The following NCALD variants were observed in gnomAD, a reference collection of about 807,000 sequenced individuals.
The protein encoded by NCALD is neurocalcin delta, also known as neurocalcin-delta.
Under a neutral mutation model 18.6 loss-of-function variants are expected in NCALD, and 10 were observed. The observed-to-expected ratio is 0.54, with a 90% CI of 0.33 to 0.91. The LOEUF (loss-of-function observed/expected upper bound fraction) is 0.91, where lower values mean the gene tolerates loss of function less well. Ranked by LOEUF, NCALD falls within the 40% of genes least tolerant of loss-of-function variation. The probability of loss-of-function intolerance (pLI) is 0.03; values close to 1 mark genes in which losing one functional copy is unlikely to be tolerated. For missense variants in NCALD, 184 were observed against 247.6 expected, an observed-to-expected ratio of 0.74 and a Z score of 1.72; for synonymous variants, 88 against 87.4, an observed-to-expected ratio of 1.01 and a Z score of -0.04.
intron 1 of NCALD, among the ~76,000 whole-genome samples, chr8:101,767,276 C>T (rs1443010092): frequency 1.3e-5 from 2 of 152,160 alleles, no homozygotes; most frequent in Admixed American, 1.3e-4. Flanking sequence ...TTTAGGCAGT[C>T]AGCACTTAAA....
At chr8:101,852,347 A>T (rs1815132231) in intron 4 of NCALD, among the ~76,000 whole-genome samples, 1 of 152,134 alleles carries the variant, frequency 6.6e-6, no homozygotes, top group Non-Finnish European at 1.5e-5. Context: ...GGCCTCTGTG[A>T]AGCCCTTGGT....
At position 101,687,927 on chromosome 8, in the gene NCALD, A is replaced by G. The variant is rs1814537553; in HGVS notation, c.*1382T>C. Reference sequence around the variant, plus strand: ...GCACGGCAATGGAAAATACTTTTGGATTCTCCATAGGGGGGCCTTGGAAAC... The same window carrying G: ...GCACGGCAATGGAAAATACTTTTGGGTTCTCCATAGGGGGGCCTTGGAAAC... On this transcript the variant is annotated 3_prime_UTR_variant, in exon 4 of 4. Coordinates refer to ENST00000220931, the MANE Select transcript of NCALD (RefSeq NM_032041.3). 1 of 152,206 alleles carries G rather than the reference A, an allele frequency of 6.6e-6. No individual in the cohort carries two copies. The highest frequency in any genetic ancestry group is 2.1e-4 in the South Asian group (1 of 4,832). The allele number at this position is 152,206 out of a possible 1,614,324, so 9.4% of individuals were successfully genotyped here.
At chr8:102,084,059 G>A (rs1824648424) in intron 1 of NCALD, among the ~76,000 whole-genome samples, 1 of 152,228 alleles carries the variant, frequency 6.6e-6, no homozygotes, top group African/African-American at 2.4e-5. Context: ...CAGTGCAGGT[G>A]CAGACTGAAC....
intron 2 of NCALD, among the ~76,000 whole-genome samples, chr8:101,985,020 T>C (rs777635216): frequency 1.8e-4 from 27 of 152,170 alleles, no homozygotes; most frequent in Non-Finnish European, 2.9e-4. Flanking sequence ...TAAAGAACTA[T>C]GTAGCTTAAG....
chr8:102,049,478 T>C (rs565089928), intron 1 of NCALD, among the ~76,000 whole-genome samples: 248 of 152,362 alleles, frequency 1.6e-3, no homozygotes, highest in Non-Finnish European at 2.8e-3. Flanking sequence ...TTTTGGCAAG[T>C]ATAAGCAACG....
chr8:101,982,254 A>G (rs1035830213), intron 2 of NCALD, among the ~76,000 whole-genome samples: 6 of 152,192 alleles, frequency 3.9e-5, no homozygotes, highest in African/African-American at 1.4e-4. Context: ...ACAGACTAAC[A>G]CACATTCTAA....
chr8:101,828,834 C>T (rs1214240203), intron 4 of NCALD, among the ~76,000 whole-genome samples: 8 of 151,666 alleles, frequency 5.3e-5, no homozygotes, highest in African/African-American at 1.2e-4. Context: ...CTGGGTTTTT[C>T]GACGGTTTTG....
intron 1 of NCALD, among the ~76,000 whole-genome samples, chr8:101,790,233 T>A (rs1375297181): frequency 6.6e-6 from 1 of 152,186 alleles, no homozygotes; most frequent in African/African-American, 2.4e-5. Context: ...CATGCACACA[T>A]GTAAAAGGTT....
chr8:102,040,805 T>C (rs1823026160), intron 1 of NCALD, among the ~76,000 whole-genome samples: 3 of 152,274 alleles, frequency 2.0e-5, no homozygotes, highest in Admixed American at 1.3e-4. Flanking sequence ...CAGGCATCCA[T>C]CTTCATAACA....
intron 1 of NCALD, among the ~76,000 whole-genome samples, chr8:102,116,802 C>G (rs1423347970): frequency 3.9e-5 from 6 of 152,158 alleles, no homozygotes; most frequent in Non-Finnish European, 8.8e-5. Context: ...GCCACTGGGC[C>G]TGGCCATAAC....
intron 2 of NCALD, among the ~76,000 whole-genome samples, chr8:101,943,587 G>A (rs1158300705): frequency 1.3e-5 from 2 of 152,222 alleles, no homozygotes; most frequent in Non-Finnish European, 2.9e-5. Context: ...GAGAGCTGAA[G>A]AGGCATCACG....
chr8:101,879,939 C>T (rs1227958361), intron 4 of NCALD, among the ~76,000 whole-genome samples: 2 of 152,208 alleles, frequency 1.3e-5, no homozygotes, highest in Non-Finnish European at 2.9e-5. Context: ...CCTGCTAGGG[C>T]CGCAGGGCAG....
At chr8:101,819,075 G>A (rs1813613502) in intron 4 of NCALD, among the ~76,000 whole-genome samples, 1 of 151,940 alleles carries the variant, frequency 6.6e-6, no homozygotes, top group African/African-American at 2.4e-5. Flanking sequence ...TCTTCTTTGG[G>A]AATAATCCTA....
chr8:101,964,950 G>A (rs758580371), intron 2 of NCALD, among the ~76,000 whole-genome samples: 13 of 152,122 alleles, frequency 8.5e-5, no homozygotes, highest in Non-Finnish European at 1.3e-4. Context: ...GAAAGTGGGC[G>A]AAGGATATGA....
intron 2 of NCALD, among the ~76,000 whole-genome samples, chr8:101,995,669 A>T (rs1296046803): frequency 6.6e-6 from 1 of 152,188 alleles, no homozygotes; most frequent in Non-Finnish European, 1.5e-5. Context: ...CACCCCCATG[A>T]TCCAAACACC....
intron 1 of NCALD, among the ~76,000 whole-genome samples, chr8:102,115,662 T>C (rs1825761245): frequency 6.6e-6 from 1 of 152,188 alleles, no homozygotes; most frequent in Non-Finnish European, 1.5e-5. Context: ...TGCGGATGGG[T>C]CAATGGCATT....
chr8:101,768,520 C>T (rs1446055949), intron 1 of NCALD, among the ~76,000 whole-genome samples: 1 of 152,088 alleles, frequency 6.6e-6, no homozygotes, highest in African/African-American at 2.4e-5. Context: ...ACCAGCCTGG[C>T]CAACATGGTG....
intron 1 of NCALD, among the ~76,000 whole-genome samples, chr8:101,761,908 A>G (rs143664309): frequency 4.4e-4 from 67 of 152,328 alleles, no homozygotes; most frequent in African/African-American, 1.6e-3. Flanking sequence ...GGGGCCTCGA[A>G]TGTACATGTG....
intron 1 of NCALD, among the ~76,000 whole-genome samples, chr8:101,764,400 C>G (rs1223673541): frequency 1.3e-5 from 2 of 152,194 alleles, no homozygotes; most frequent in Non-Finnish European, 2.9e-5. Flanking sequence ...CCAAATGCTG[C>G]TGTTGGTCAC....
Sources: allele counts gnomAD v4.1 joint callset (sites outside exome capture counted in the v4.1 genomes callset), GRCh38; gene constraint gnomAD v4.1.1; transcripts MANE v1.5; gene names NCBI Gene and HGNC (gene_info 2026-07-23, HGNC 2026-07-21).